Variants in ARHGEF11 observed in about 807,000 individuals in gnomAD.
The protein encoded by ARHGEF11 is Rho guanine nucleotide exchange factor 11.
A neutral mutation model predicts 193.7 loss-of-function variants in ARHGEF11; 55 were observed. The ratio of observed to expected loss-of-function variants is 0.28; its 90% CI spans 0.23 to 0.36. ARHGEF11 has a LOEUF of 0.36. Among genes scored for constraint, ARHGEF11 ranks in the 10% least tolerant of loss-of-function variants. The pLI, the probability that ARHGEF11 is intolerant of heterozygous loss-of-function variation, is 1.00. For synonymous variants in ARHGEF11, 693 were observed against 768.0 expected (o/e 0.90, Z 1.62); for missense variants, 1,723 against 2,005.6 (o/e 0.86, Z 2.69).
At chr1:157,042,506 G>A (rs1364969714) in intron 1 of ARHGEF11, among the ~76,000 whole-genome samples, 2 of 152,114 alleles carry the variant, frequency 1.3e-5, no homozygotes, top group African/African-American at 4.8e-5. Context: ...GATGGCACTG[G>A]GCAAGCCAGG....
chr1:157,003,388 C>A (rs981589428), intron 1 of ARHGEF11, among the ~76,000 whole-genome samples: 1 of 152,196 alleles, frequency 6.6e-6, no homozygotes, highest in African/African-American at 2.4e-5. Flanking sequence ...TTCAGGAGGG[C>A]AGGGACTAGG....
chr1:156,945,428 T>C (rs1300284287), intron 29 of ARHGEF11: 1 of 540,732 alleles, frequency 1.8e-6, no homozygotes, highest in African/African-American at 1.9e-5. Context: ...TGATAGCTCC[T>C]GGGAATCCCT....
At position 156,948,074 on chromosome 1, in the gene ARHGEF11, G is replaced by T; in HGVS notation, c.2153+107C>A. 1 of 1,537,268 alleles carries T rather than the reference G, an allele frequency of 6.5e-7. No homozygotes were observed. Among genetic ancestry groups the T allele is most frequent in the Non-Finnish European group, 8.8e-7 (1 of 1,135,930 alleles). ...TGCACATGGGAAACCAGTGGGCCCA[G>T]AAGAGGAGACAGCCACCCAACCAGC... On this transcript the variant is annotated intron_variant, in intron 24 of 40. Transcript: ENST00000368194. This position sits in a 1 kb window ranked among gnomAD's most constrained non-coding sequence, Gnocchi z 4.2.
At chr1:156,957,866 T>C (rs1408884895) in intron 17 of ARHGEF11, 51 bp from the exon 18 acceptor site, 3 of 1,602,596 alleles carry the variant, frequency 1.9e-6, no homozygotes, top group Non-Finnish European at 2.6e-6. Context: ...CAGAGGCTGG[T>C]CACCTGGTTA....
chr1:157,025,142 A>AG (rs1670492268), intron 1 of ARHGEF11, among the ~76,000 whole-genome samples: 2 of 152,210 alleles, frequency 1.3e-5, no homozygotes, highest in African/African-American at 4.8e-5. Flanking sequence ...ATCAGAGAGA[A>AG]GGGGAGATTT....
rs1232405676 is a variant in ARHGEF11 at position 156,936,495 on chromosome 1, AAAATAT to A, written c.4630+315_4630+320del. Among the ~76,000 whole-genome samples, 47 of 57,096 alleles carry A rather than the reference AAAATAT, an allele frequency of 8.2e-4. 1 individual carries two copies. Among genetic ancestry groups the A allele is most frequent in the Middle Eastern group, 7.6e-3 (1 of 132 alleles). The allele number at this position is 57,096 out of a possible 152,430, so 37.5% of individuals were successfully genotyped here. ...CAAATAAATAGAAAAAAAAAAAAAA[AAAATAT>A]ATATATATATATATATATATATATA... On this transcript the variant is annotated intron_variant, in intron 40 of 40. Transcript: ENST00000368194.
chr1:156,938,106 A>C (rs931880596), intron 38 of ARHGEF11, among the ~76,000 whole-genome samples: 1 of 152,076 alleles, frequency 6.6e-6, no homozygotes, highest in Non-Finnish European at 1.5e-5. Context: ...GGCTGCTTGC[A>C]TATCAGGTGA....
rs746411291 is a variant in ARHGEF11, at chr1:156,945,097, G to T, written c.2913C>A (p.His971Gln). The T allele has an allele frequency of 6.2e-7, 1 of 1,614,182 alleles. No homozygotes were observed. The highest frequency in any genetic ancestry group is 1.1e-5 in the South Asian group (1 of 91,084). The change falls in exon 30 of 41, where the codon CAC becomes CAA. Residue 971 changes from histidine to glutamine, a missense_variant. His to Gln is a conservative substitution (Grantham distance 24, BLOSUM62 0). Transcript: ENST00000368194. ...GGCGTTTCTGGTAGCCCTCTAAACG[G>T]TGGCGGTTCTCTGTTTGTTTTACCG... ...NEAVKQTENR[H>Q]RLEGYQKRLD...
At chr1:156,938,026 C>T (rs1183183258) in intron 38 of ARHGEF11, among the ~76,000 whole-genome samples, 3 of 152,182 alleles carry the variant, frequency 2.0e-5, no homozygotes, top group South Asian at 2.1e-4. Flanking sequence ...AGAGAACCAC[C>T]GCGGAATCTG....
chr1:156,944,954 G>C, intron 30 of ARHGEF11, 65 bp downstream of exon 30: 1 of 1,564,188 alleles, frequency 6.4e-7, no homozygotes, highest in Non-Finnish European at 8.6e-7. Context: ...GCCCTGACCA[G>C]TGTTCTGCTC....
chr1:157,003,523 C>T (rs1365282355), intron 1 of ARHGEF11, among the ~76,000 whole-genome samples: 1 of 152,214 alleles, frequency 6.6e-6, no homozygotes, highest in Non-Finnish European at 1.5e-5. Flanking sequence ...ACTTAACCCT[C>T]AGAACAACTA....
chr1:156,966,436 A>G (rs1241167542), intron 11 of ARHGEF11, among the ~76,000 whole-genome samples: 3 of 152,196 alleles, frequency 2.0e-5, no homozygotes, highest in Non-Finnish European at 4.4e-5. Context: ...TTTCCATGCT[A>G]TTAGATTCTA....
chr1:157,003,381 A>G (rs955542887), intron 1 of ARHGEF11, among the ~76,000 whole-genome samples: 2 of 152,198 alleles, frequency 1.3e-5, no homozygotes, highest in Non-Finnish European at 2.9e-5. Context: ...TCACAAATTC[A>G]GGAGGGCAGG....
chr1:157,005,995 T>C (rs1056751744), intron 1 of ARHGEF11, among the ~76,000 whole-genome samples: 3 of 152,248 alleles, frequency 2.0e-5, no homozygotes, highest in African/African-American at 7.2e-5. Flanking sequence ...ATGAAAAACA[T>C]GTTTTTGCAT....
At chr1:156,991,410 C>A (rs1373661633) in intron 1 of ARHGEF11, among the ~76,000 whole-genome samples, 1 of 152,204 alleles carries the variant, frequency 6.6e-6, no homozygotes, top group African/African-American at 2.4e-5. Flanking sequence ...ACCTCTGCCT[C>A]CTGGGTTCAA....
chr1:156,994,102 C>T (rs1666141239), intron 1 of ARHGEF11, among the ~76,000 whole-genome samples: 1 of 152,306 alleles, frequency 6.6e-6, no homozygotes, highest in South Asian at 2.1e-4. Context: ...TATCATCAGT[C>T]TATCATCTTT....
intron 1 of ARHGEF11, among the ~76,000 whole-genome samples, chr1:157,043,783 T>C (rs1420242226): frequency 1.2e-4 from 18 of 152,236 alleles, no homozygotes. Context: ...AGGATGTTTC[T>C]GTCCCATCAT....
At chr1:156,995,017 ATC>A (rs1358907516) in intron 1 of ARHGEF11, among the ~76,000 whole-genome samples, 5 of 151,990 alleles carry the variant, frequency 3.3e-5, no homozygotes, top group African/African-American at 1.2e-4. Flanking sequence ...TATCTTTGAC[ATC>A]TCTCTGCAAA....
chr1:157,040,720 G>C (rs1672635842), intron 1 of ARHGEF11, among the ~76,000 whole-genome samples: 1 of 151,976 alleles, frequency 6.6e-6, no homozygotes. Flanking sequence ...GTTTTGTTTT[G>C]GGATACTTAG....
Sources: gnomAD v4.1 joint callset for allele counts (sites outside exome capture counted in the v4.1 genomes callset) on GRCh38, gnomAD v4.1.1 for gene constraint, Gnocchi (gnomAD v3.1) non-coding constraint, MANE v1.5 for transcripts, NCBI Gene and HGNC (gene_info 2026-07-23, HGNC 2026-07-21) for gene names.